The following NRSN1 variants were observed in gnomAD, a reference collection of about 807,000 sequenced individuals.
NRSN1 encodes neurensin-1.
A neutral mutation model predicts 17.3 loss-of-function variants in NRSN1; 14 were observed. That is an observed-to-expected ratio of 0.81 (90% CI 0.54 to 1.27). The LOEUF (loss-of-function observed/expected upper bound fraction) is 1.27, where lower values mean the gene tolerates loss of function less well. Among genes scored for constraint, NRSN1 ranks in the 50% most tolerant of loss-of-function variants. NRSN1 has a pLI of 0.00. For synonymous variants in NRSN1, 79 were observed against 94.2 expected (o/e 0.84, Z 0.93); for missense variants, 209 against 235.9 (o/e 0.89, Z 0.75).
intron 3 of NRSN1, among the ~76,000 whole-genome samples, chr6:24,137,514 ATTG>A (rs1207757001): frequency 1.3e-5 from 2 of 151,840 alleles, no homozygotes; most frequent in Admixed American, 6.6e-5. Context: ...ATGTACACAG[ATTG>A]TTGTTGTTTT....
intron 3 of NRSN1, among the ~76,000 whole-genome samples, chr6:24,142,181 T>C (rs971541924): frequency 3.9e-5 from 5 of 127,872 alleles, no homozygotes; most frequent in African/African-American, 1.1e-4. Context: ...TTATGTCTTA[T>C]ACAGAACAGC....
chr6:24,146,109 T>TGCTGGAGGGCGGTGCCATGCC lies in NRSN1; in HGVS notation c.*164_*184dup. ...CACACTTGCTCAGTTCAGGCAGCTC[T>TGCTGGAGGGCGGTGCCATGCC]GCTGGAGGGCGGTGCCATGCCTAAG... On this transcript the variant is annotated 3_prime_UTR_variant, in exon 4 of 4. Coordinates refer to ENST00000378491, the MANE Select transcript of NRSN1 (RefSeq NM_080723.5). 1.3e-6 allele frequency: 1 copy of TGCTGGAGGGCGGTGCCATGCC among 788,086 alleles called. No homozygotes were observed. Among genetic ancestry groups the TGCTGGAGGGCGGTGCCATGCC allele is most frequent in the Non-Finnish European group, 2.2e-6 (1 of 445,618 alleles). The allele number at this position is 788,086 out of a possible 1,614,324, so 48.8% of individuals were successfully genotyped here. A position where few individuals can be genotyped will look rare whatever the true frequency, so the allele number is the denominator to read the frequency against.
intron 2 of NRSN1, among the ~76,000 whole-genome samples, chr6:24,131,753 C>T (rs1022589295): frequency 2.6e-5 from 4 of 152,150 alleles, no homozygotes; most frequent in African/African-American, 9.7e-5. Context: ...TGTTAATCAT[C>T]TTCATTGTAT....
intron 3 of NRSN1, chr6:24,141,142 T>TA (rs1209168743): frequency 1.6e-5 from 21 of 1,275,836 alleles, no homozygotes; most frequent in Non-Finnish European, 2.1e-5. Flanking sequence ...TGTGTGGCCC[T>TA]AAACGAGGCT....
chr6:24,131,480 ATATT>A (rs1303646657), intron 2 of NRSN1, among the ~76,000 whole-genome samples: 3 of 152,152 alleles, frequency 2.0e-5, no homozygotes, highest in Non-Finnish European at 4.4e-5. Context: ...CTGAAAATAT[ATATT>A]TAGAGGAGGT....
intron 3 of NRSN1, chr6:24,141,539 T>G (rs1298781280): frequency 6.4e-6 from 1 of 155,826 alleles, no homozygotes; most frequent in Admixed American, 6.5e-5. Flanking sequence ...CTGTTCACTG[T>G]GCTGTCTTCC....
chr6:24,130,091 A>G (rs1760005789), intron 2 of NRSN1, among the ~76,000 whole-genome samples: 1 of 152,240 alleles, frequency 6.6e-6, no homozygotes. Flanking sequence ...GTGATATTAA[A>G]GCTTTCTGTA....
chr6:24,140,863 C>A (rs1185288647), intron 3 of NRSN1: 2 of 1,294,150 alleles, frequency 1.5e-6, no homozygotes, highest in Non-Finnish European at 9.9e-7. Context: ...GTAGCCCCCA[C>A]CAGCAGAATT....
chr6:24,142,191 C>CTTTTTT (rs751168423), intron 3 of NRSN1, among the ~76,000 whole-genome samples: 1,929 of 44,440 alleles, frequency 0.043, 576 homozygotes, highest in South Asian at 0.064. Flanking sequence ...TACAGAACAG[C>CTTTTTT]TTTTTTTTTT....
intron 1 of NRSN1, among the ~76,000 whole-genome samples, chr6:24,127,550 C>T (rs889041188): frequency 6.6e-6 from 1 of 152,184 alleles, no homozygotes; most frequent in African/African-American, 2.4e-5. Context: ...TGCATGGGCA[C>T]CTGCTTTTCT....
At chr6:24,136,872 C>T (rs12210270) in intron 3 of NRSN1, among the ~76,000 whole-genome samples, 5,267 of 152,216 alleles carry the variant, frequency 0.035, 105 homozygotes, top group Middle Eastern at 0.095. Context: ...ACCTGACTGA[C>T]CTAGGAATTC....
At chr6:24,141,067 C>A in intron 3 of NRSN1, 4 of 1,442,598 alleles carry the variant, frequency 2.8e-6, no homozygotes, top group South Asian at 1.6e-5. Context: ...GGCCTTACCA[C>A]CCTAAGGCCC....
rs1251529983 is a variant in NRSN1, at chr6:24,135,971, C to G, written c.189+1455C>G. Among the ~76,000 whole-genome samples, 3 of 152,194 alleles carry G rather than the reference C, an allele frequency of 2.0e-5. No individual in the cohort carries two copies. In the East Asian group the frequency reaches 5.8e-4, roughly 29 times the overall value. ...TTTTTGACATGGATATTGACATAAA[C>G]TTGCAATTTATTGGCCATATAGTGT... On this transcript the variant is annotated intron_variant, in intron 3 of 3. Transcript: ENST00000378491.
intron 3 of NRSN1, among the ~76,000 whole-genome samples, chr6:24,144,666 G>A (rs1160470978): frequency 1.2e-4 from 19 of 152,108 alleles, no homozygotes; most frequent in Admixed American, 1.2e-3. Flanking sequence ...AGGAGCGGGG[G>A]TCATGTCGTA....
At chr6:24,129,667 T>A (rs571197724) in intron 2 of NRSN1, 1 of 152,300 alleles carries the variant, frequency 6.6e-6, no homozygotes, top group African/African-American at 2.4e-5. Flanking sequence ...CAGCATAATT[T>A]TTTTCCCTCC....
intron 3 of NRSN1, among the ~76,000 whole-genome samples, chr6:24,137,892 C>G (rs1760141764): frequency 6.6e-6 from 1 of 151,942 alleles, no homozygotes; most frequent in Admixed American, 6.6e-5. Flanking sequence ...AACGGGGCAT[C>G]CCAGTAGAGA....
In NRSN1 at chr6:24,127,528, T is replaced by G. The variant is rs10456300; in HGVS notation, c.-82-600T>G. 5.7e-3 allele frequency among the ~76,000 whole-genome samples: 871 copies of G among 152,348 alleles called. 4 individuals are homozygous for G. Among genetic ancestry groups the G allele is most frequent in the Middle Eastern group, 0.017 (5 of 294 alleles). ...CAGCCTTATAGTTGGCAATGGCTTT[T>G]TAATCAAATTTTGCATGGGCACCTG... On this transcript the variant is annotated intron_variant, in intron 1 of 3. Coordinates refer to ENST00000378491, the MANE Select transcript of NRSN1 (RefSeq NM_080723.5).
intron 2 of NRSN1, among the ~76,000 whole-genome samples, chr6:24,130,894 C>A (rs1042853896): frequency 6.6e-6 from 1 of 152,100 alleles, no homozygotes; most frequent in African/African-American, 2.4e-5. Flanking sequence ...CTGGTCCAAC[C>A]CTCTTACTTT....
At chr6:24,143,445 G>C (rs1219782931) in intron 3 of NRSN1, among the ~76,000 whole-genome samples, 1 of 152,134 alleles carries the variant, frequency 6.6e-6, no homozygotes, top group African/African-American at 2.4e-5. Flanking sequence ...AATAATACCA[G>C]TTATACTTTT....
Sources: allele counts gnomAD v4.1 joint callset (sites outside exome capture counted in the v4.1 genomes callset), GRCh38; gene constraint gnomAD v4.1.1; transcripts MANE v1.5; gene names NCBI Gene and HGNC (gene_info 2026-07-23, HGNC 2026-07-21).